ADARB2: variants seen among roughly 807,000 people sequenced by gnomAD.
ADARB2 encodes the protein inactive double-stranded RNA-specific editase B2.
In ADARB2, 25 loss-of-function variants were observed where a neutral mutation model predicts 62.2. The ratio of observed to expected loss-of-function variants is 0.40; its 90% CI spans 0.29 to 0.56. The LOEUF (loss-of-function observed/expected upper bound fraction) is 0.56. Ranked by LOEUF, ADARB2 falls within the 20% of genes least tolerant of loss-of-function variation. The pLI is 0.43. For synonymous variants in ADARB2, 572 were observed against 500.8 expected (o/e 1.14, Z -1.90); for missense variants, 1,071 against 1,077.4 (o/e 0.99, Z 0.08).
chr10:1,717,509 TTC>T (rs1255356416), intron 1 of ADARB2, among the ~76,000 whole-genome samples: 3 of 150,960 alleles, frequency 2.0e-5, no homozygotes, highest in Non-Finnish European at 3.0e-5. Flanking sequence ...CTTTCTTTCT[TTC>T]TCTCTCTCTT....
intron 7 of ADARB2, among the ~76,000 whole-genome samples, chr10:1,208,698 G>A (rs181647183): frequency 6.6e-6 from 1 of 152,228 alleles, no homozygotes; most frequent in Non-Finnish European, 1.5e-5. Flanking sequence ...AGCACCCATG[G>A]GCTCTTAAGT....
chr10:1,382,721 T>G (rs1364826193), intron 1 of ADARB2, among the ~76,000 whole-genome samples: 1 of 150,950 alleles, frequency 6.6e-6, no homozygotes, highest in Non-Finnish European at 1.5e-5. Context: ...TTTTTTTTTT[T>G]GCCTCAGTTC....
chr10:1,206,899 G>A (rs892584715), intron 7 of ADARB2, among the ~76,000 whole-genome samples: 1 of 152,224 alleles, frequency 6.6e-6, no homozygotes, highest in African/African-American at 2.4e-5. Context: ...CAGGAACTGG[G>A]CTCTGGTCTC....
chr10:1,595,369 C>G (rs1833319224), intron 1 of ADARB2, among the ~76,000 whole-genome samples: 1 of 152,204 alleles, frequency 6.6e-6, no homozygotes, highest in South Asian at 2.1e-4. Context: ...GAGCACCCGG[C>G]AGTGGCATCA....
intron 1 of ADARB2, among the ~76,000 whole-genome samples, chr10:1,422,660 C>T (rs1832861327): frequency 6.6e-6 from 1 of 152,234 alleles, no homozygotes; most frequent in Non-Finnish European, 1.5e-5. Context: ...AAAATTGACA[C>T]AGTGCCTCAG....
chr10:1,349,222 C>T (rs1440858629), intron 3 of ADARB2, among the ~76,000 whole-genome samples: 1 of 152,154 alleles, frequency 6.6e-6, no homozygotes, highest in East Asian at 1.9e-4. Flanking sequence ...TGCTGAGCAC[C>T]TTGTGACTCC....
intron 8 of ADARB2, among the ~76,000 whole-genome samples, chr10:1,192,140 G>T (rs572986231): frequency 1.3e-5 from 2 of 152,200 alleles, no homozygotes; most frequent in African/African-American, 4.8e-5. Flanking sequence ...TCTTCAAAGT[G>T]AGCCTACTAT....
chr10:1,367,765 T>C (rs1832325958), intron 2 of ADARB2, among the ~76,000 whole-genome samples: 1 of 152,184 alleles, frequency 6.6e-6, no homozygotes, highest in African/African-American at 2.4e-5. Context: ...TCAGTGTGAT[T>C]ACAGTGGCTG....
chr10:1,263,793 G>A (rs761838576), intron 4 of ADARB2, among the ~76,000 whole-genome samples: 4 of 152,150 alleles, frequency 2.6e-5, no homozygotes, highest in Non-Finnish European at 4.4e-5. Flanking sequence ...GTTTTCATCC[G>A]CACCCTGTGA....
chr10:1,315,825 G>C (rs987280450), intron 3 of ADARB2, among the ~76,000 whole-genome samples: 3 of 152,156 alleles, frequency 2.0e-5, no homozygotes, highest in Non-Finnish European at 4.4e-5. Context: ...AAATGTTTTA[G>C]ACTACACTTG....
At chr10:1,429,230 T>C (rs535633509) in intron 1 of ADARB2, among the ~76,000 whole-genome samples, 1 of 152,344 alleles carries the variant, frequency 6.6e-6, no homozygotes, top group Non-Finnish European at 1.5e-5. Context: ...AATTGTTAAA[T>C]GCTTACAGGG....
intron 1 of ADARB2, among the ~76,000 whole-genome samples, chr10:1,518,226 A>T (rs1832030943): frequency 6.6e-6 from 1 of 152,222 alleles, no homozygotes; most frequent in Non-Finnish European, 1.5e-5. Context: ...CCCTCTAAGT[A>T]GAAGCAGTGA....
chr10:1,244,605 C>T (rs1451943937), intron 4 of ADARB2, among the ~76,000 whole-genome samples: 3 of 152,210 alleles, frequency 2.0e-5, no homozygotes, highest in East Asian at 1.9e-4. Context: ...TCACCCCCAC[C>T]GCCAGCACCA....
At chr10:1,715,069 G>A (rs1835001549) in intron 1 of ADARB2, among the ~76,000 whole-genome samples, 1 of 136,566 alleles carries the variant, frequency 7.3e-6, no homozygotes, top group Non-Finnish European at 1.5e-5. Context: ...CATCATCATA[G>A]CCAATTAGTG....
chr10:1,349,447 G>A (rs1327970333), intron 3 of ADARB2, among the ~76,000 whole-genome samples: 1 of 152,086 alleles, frequency 6.6e-6, no homozygotes, highest in Non-Finnish European at 1.5e-5. Context: ...TCAGATCAGG[G>A]GACCTCCCTT....
intron 1 of ADARB2, among the ~76,000 whole-genome samples, chr10:1,431,317 C>G (rs572181656): frequency 6.6e-6 from 1 of 152,080 alleles, no homozygotes; most frequent in African/African-American, 2.4e-5. Context: ...GGAAATTAAA[C>G]AACACACTTC....
At chr10:1,639,088 G>A (rs563653323) in intron 1 of ADARB2, among the ~76,000 whole-genome samples, 5 of 152,354 alleles carry the variant, frequency 3.3e-5, no homozygotes, top group South Asian at 2.1e-4. Flanking sequence ...CAGACATGCT[G>A]TGGCCATCTC....
rs1832761696 is a variant in ADARB2, at chr10:1,411,736, G to C, written c.101-32576C>G. On this transcript the variant is annotated intron_variant, in intron 1 of 9. Coordinates refer to ENST00000381312, the MANE Select transcript of ADARB2 (RefSeq NM_018702.4). ...ATCGAACCATCCGTGCAAGGCCACT[G>C]TAGGTGCTTCCTGAAACGCCATTTA... is the stretch of plus-strand genomic sequence containing the variant. Among the ~76,000 whole-genome samples, 3 of 152,308 alleles carry C rather than the reference G, an allele frequency of 2.0e-5. No homozygotes were observed. The South Asian group carries it at 6.2e-4, about 32-fold the overall frequency.
At chr10:1,570,271 G>A (rs969463546) in intron 1 of ADARB2, among the ~76,000 whole-genome samples, 4 of 152,186 alleles carry the variant, frequency 2.6e-5, no homozygotes, top group African/African-American at 4.8e-5. Flanking sequence ...GATTTAGCTC[G>A]AGACTGCTTT....
Sources: gnomAD v4.1 joint callset for allele counts (sites outside exome capture counted in the v4.1 genomes callset) on GRCh38, gnomAD v4.1.1 for gene constraint, MANE v1.5 for transcripts, NCBI Gene and HGNC (gene_info 2026-07-23, HGNC 2026-07-21) for gene names.